AK9: variants seen among roughly 807,000 people sequenced by gnomAD.
AK9 encodes adenylate kinase 9.
A neutral mutation model predicts 239.6 loss-of-function variants in AK9; 191 were observed. The ratio of observed to expected loss-of-function variants is 0.80; its 90% confidence interval spans 0.71 to 0.90. The LOEUF (loss-of-function observed/expected upper bound fraction) is 0.90, where lower values mean the gene tolerates loss of function less well. Among genes scored for constraint, AK9 ranks in the 40% least tolerant of loss-of-function variants. AK9 has a pLI of 0.00. For missense variants in AK9, 1,995 were observed against 2,214.7 expected (o/e 0.90, Z 1.99); for synonymous variants, 689 against 721.0 (o/e 0.96, Z 0.71).
intron 16 of AK9, among the ~76,000 whole-genome samples, chr6:109,610,715 A>G (rs1793477872): frequency 6.6e-6 from 1 of 152,202 alleles, no homozygotes; most frequent in South Asian, 2.1e-4. Flanking sequence ...CTCTCAGAGA[A>G]GTAACTTAAA....
chr6:109,651,785 T>C (rs1252277586), intron 8 of AK9, among the ~76,000 whole-genome samples: 3 of 151,502 alleles, frequency 2.0e-5, no homozygotes, highest in African/African-American at 7.3e-5. Flanking sequence ...GAGAATACTA[T>C]AAATACTAGA....
At position 109,615,349 on chromosome 6, in the gene AK9, G is replaced by A. The variant is rs186316268; in HGVS notation, c.1400-869C>T. 2.6e-5 allele frequency among the ~76,000 whole-genome samples: 4 copies of A among 151,308 alleles called. No homozygotes were observed. In the East Asian group the frequency reaches 7.8e-4, roughly 29 times the overall value. The stretch of plus-strand genomic sequence containing the variant: ...TGTCTTGTTCTCATCTGTATTGCTG[G>A]TGCCTAGAATAAAGTCTAATACAAA... On this transcript the variant is annotated intron_variant, in intron 13 of 40. Transcript: ENST00000424296.
chr6:109,569,476 A>T (rs1329716686), intron 21 of AK9, among the ~76,000 whole-genome samples: 1 of 152,232 alleles, frequency 6.6e-6, no homozygotes, highest in Non-Finnish European at 1.5e-5. Context: ...AGAAACTACC[A>T]TCAGAGTGAA....
intron 13 of AK9, among the ~76,000 whole-genome samples, chr6:109,617,269 G>T (rs1457943805): frequency 6.6e-6 from 1 of 151,982 alleles, no homozygotes; most frequent in Non-Finnish European, 1.5e-5. Flanking sequence ...TAGAACTTGA[G>T]AAAAATTCTA....
At chr6:109,551,858 C>T (rs1784407420) in intron 24 of AK9, among the ~76,000 whole-genome samples, 1 of 151,658 alleles carries the variant, frequency 6.6e-6, no homozygotes, top group South Asian at 2.1e-4. Context: ...CAACTATTGA[C>T]CCATCCTCTA....
At position 109,644,671 on chromosome 6, in the gene AK9, G is replaced by T; in HGVS notation, c.777C>A (p.His259Gln). The change falls in exon 9 of 41, where the codon CAC (histidine) becomes CAA (glutamine). Residue 259 changes from histidine (H) to glutamine (Q), a missense_variant. Coordinates refer to ENST00000424296, the MANE Select transcript of AK9 (RefSeq NM_001145128.3). The stretch of plus-strand genomic sequence containing the variant: ...TTAGCTCAATGAGATACTGGGGATT[G>T]TGTTCAGCCATTACTTCCTGCAGAT... ...LQTLEEVMAEHNPQYLIELNG... is the reference protein window; with the variant it reads ...LQTLEEVMAEQNPQYLIELNG... 1.2e-6 allele frequency: 2 copies of T among 1,612,448 alleles called. No homozygotes were observed. Among genetic ancestry groups the T allele is most frequent in the Non-Finnish European group, 1.7e-6 (2 of 1,179,718 alleles).
chr6:109,638,706 G>A (rs989156178), intron 10 of AK9, among the ~76,000 whole-genome samples: 1 of 152,074 alleles, frequency 6.6e-6, no homozygotes, highest in Non-Finnish European at 1.5e-5. Context: ...CAATGTGCAG[G>A]TTTTTTACAT....
At chr6:109,586,202 G>T in intron 17 of AK9, 130 bp from the exon 18 acceptor site, 1 of 841,250 alleles carries the variant, frequency 1.2e-6, no homozygotes, top group Non-Finnish European at 1.8e-6. Flanking sequence ...AAAAAAGGGT[G>T]ACAATTTTTA....
chr6:109,628,940 G>C (rs939926485), intron 12 of AK9, among the ~76,000 whole-genome samples: 1 of 152,000 alleles, frequency 6.6e-6, no homozygotes, highest in African/African-American at 2.4e-5. Context: ...TTGTATCAGA[G>C]AGAAATGTTT....
chr6:109,639,334 G>C (rs1041759569), intron 10 of AK9, among the ~76,000 whole-genome samples: 9 of 152,148 alleles, frequency 5.9e-5, no homozygotes, highest in Admixed American at 1.3e-4. Flanking sequence ...ACTTTTTAAG[G>C]ATTGCCATTC....
chr6:109,558,325 A>G (rs1023641442), intron 24 of AK9, among the ~76,000 whole-genome samples: 5 of 152,068 alleles, frequency 3.3e-5, no homozygotes. Flanking sequence ...CAAGGTCTCA[A>G]AGATTCTCTC....
intron 38 of AK9, 79 bp downstream of exon 38, chr6:109,497,386 A>ACACACTCCTCTCCCCCT (rs1777179510): frequency 2.3e-6 from 1 of 441,066 alleles, no homozygotes; most frequent in African/African-American, 2.4e-5. Context: ...TCTCTCTCTC[A>ACACACTCCTCTCCCCCT]CACACTCCTC....
chr6:109,525,243 T>C (rs1299079085), intron 29 of AK9, among the ~76,000 whole-genome samples: 1 of 152,134 alleles, frequency 6.6e-6, no homozygotes, highest in Non-Finnish European at 1.5e-5. Flanking sequence ...CCATGCTGTT[T>C]TGGTTCTGGA....
intron 39 of AK9, among the ~76,000 whole-genome samples, chr6:109,494,984 A>G (rs1429638337): frequency 1.3e-5 from 2 of 152,260 alleles, no homozygotes; most frequent in Non-Finnish European, 2.9e-5. Flanking sequence ...TAGTCAGTGA[A>G]TGATCCTCTC....
intron 17 of AK9, among the ~76,000 whole-genome samples, chr6:109,587,143 T>TA (rs1364119593): frequency 3.9e-5 from 6 of 152,102 alleles, no homozygotes; most frequent in African/African-American, 1.4e-4. Flanking sequence ...AGCAGTCTTT[T>TA]AAAAAATAAT....
intron 28 of AK9, among the ~76,000 whole-genome samples, chr6:109,530,440 C>G (rs1008803690): frequency 6.6e-6 from 1 of 152,128 alleles, no homozygotes; most frequent in Non-Finnish European, 1.5e-5. Context: ...ACAAAAACTT[C>G]CATTATTTCA....
At chr6:109,545,617 T>C (rs1216442643) in intron 26 of AK9, among the ~76,000 whole-genome samples, 2 of 152,278 alleles carry the variant, frequency 1.3e-5, no homozygotes, top group Admixed American at 1.3e-4. Context: ...ATGGAACTAA[T>C]TGTAAGTCCA....
intron 19 of AK9, among the ~76,000 whole-genome samples, chr6:109,581,523 A>C (rs1788857955): frequency 6.6e-6 from 1 of 152,194 alleles, no homozygotes; most frequent in Admixed American, 6.5e-5. Flanking sequence ...ACATTCCCTT[A>C]AGCCAAAGTC....
chr6:109,560,203 G>T (rs927580217), intron 24 of AK9, among the ~76,000 whole-genome samples: 1 of 152,186 alleles, frequency 6.6e-6, no homozygotes, highest in East Asian at 1.9e-4. Context: ...TATCACAATA[G>T]AAAATCTTAT....
Sources: allele counts gnomAD v4.1 joint callset (sites outside exome capture counted in the v4.1 genomes callset), GRCh38; gene constraint gnomAD v4.1.1; transcripts MANE v1.5; gene names NCBI Gene and HGNC (gene_info 2026-07-23, HGNC 2026-07-21).